JAKMIP2: variants seen among roughly 807,000 people sequenced by gnomAD.
JAKMIP2 encodes janus kinase and microtubule interacting protein 2, also known as janus kinase and microtubule-interacting protein 2.
In JAKMIP2, 25 loss-of-function variants were observed where a neutral mutation model predicts 115.0. The ratio of observed to expected loss-of-function variants is 0.22; its 90% CI spans 0.16 to 0.30. The LOEUF (loss-of-function observed/expected upper bound fraction) is 0.30. JAKMIP2 is among the 10% of genes least tolerant of loss of function. The pLI is 1.00. For synonymous variants in JAKMIP2, 334 were observed against 343.6 expected, an observed-to-expected ratio of 0.97 and a Z score of 0.31; for missense variants, 642 against 957.6, an observed-to-expected ratio of 0.67 and a Z score of 4.35.
chr5:147,775,304 T>G (rs1755516245), intron 1 of JAKMIP2, among the ~76,000 whole-genome samples: 4 of 152,232 alleles, frequency 2.6e-5, no homozygotes, highest in Admixed American at 2.6e-4. Flanking sequence ...AACTTAATTT[T>G]TGAATGGAGA....
intron 1 of JAKMIP2, among the ~76,000 whole-genome samples, chr5:147,754,995 T>C (rs975804494): frequency 2.6e-5 from 4 of 152,148 alleles, no homozygotes; most frequent in African/African-American, 9.7e-5. Context: ...TATTTCAGTG[T>C]AAGGCTTGCA....
intron 1 of JAKMIP2, among the ~76,000 whole-genome samples, chr5:147,776,583 G>T (rs1225624895): frequency 6.6e-6 from 1 of 152,154 alleles, no homozygotes; most frequent in East Asian, 1.9e-4. Flanking sequence ...ATTCTGAGAA[G>T]TCGTTTAAAT....
intron 1 of JAKMIP2, among the ~76,000 whole-genome samples, chr5:147,742,822 G>T (rs967212631): frequency 6.6e-6 from 1 of 151,566 alleles, no homozygotes; most frequent in Admixed American, 6.6e-5. Context: ...ACACTATTTC[G>T]GTGTTAGAAT....
At chr5:147,768,002 T>C (rs1012801054) in intron 1 of JAKMIP2, among the ~76,000 whole-genome samples, 1 of 152,160 alleles carries the variant, frequency 6.6e-6, no homozygotes, top group Non-Finnish European at 1.5e-5. Flanking sequence ...TGGCCATTCA[T>C]GGCTTGATTC....
chr5:147,734,348 C>G (rs1021314821), intron 1 of JAKMIP2, among the ~76,000 whole-genome samples: 2 of 151,976 alleles, frequency 1.3e-5, no homozygotes, highest in African/African-American at 4.8e-5. Context: ...TCATGTCCTT[C>G]CCAGGGACAT....
intron 1 of JAKMIP2, among the ~76,000 whole-genome samples, chr5:147,696,983 A>G (rs1752130129): frequency 6.6e-6 from 1 of 152,176 alleles, no homozygotes; most frequent in African/African-American, 2.4e-5. Flanking sequence ...AGCAGAGCAT[A>G]AAAGTTTGGA....
At chr5:147,764,966 G>GAAA (rs1561582709) in intron 1 of JAKMIP2, among the ~76,000 whole-genome samples, 1 of 40,906 alleles carries the variant, frequency 2.4e-5, no homozygotes, top group African/African-American at 1.4e-4. Context: ...GAGAGAGAGA[G>GAAA]GGGGAGAGAG....
intron 1 of JAKMIP2, among the ~76,000 whole-genome samples, chr5:147,719,547 A>G (rs1445235471): frequency 2.6e-5 from 4 of 152,074 alleles, no homozygotes; most frequent in African/African-American, 9.7e-5. Flanking sequence ...TTGGGTGCAT[A>G]TATATTCAGG....
At chr5:147,634,595 T>TA (rs1757521790) in intron 12 of JAKMIP2, among the ~76,000 whole-genome samples, 2 of 152,168 alleles carry the variant, frequency 1.3e-5, no homozygotes, top group Admixed American at 1.3e-4. Context: ...ATTAGATCAG[T>TA]GGTTCACAGA....
intron 1 of JAKMIP2, among the ~76,000 whole-genome samples, chr5:147,697,719 G>A (rs995064475): frequency 6.6e-6 from 1 of 152,200 alleles, no homozygotes; most frequent in Admixed American, 6.5e-5. Flanking sequence ...ACATAATGAT[G>A]AGCCTGCTGG....
intron 1 of JAKMIP2, among the ~76,000 whole-genome samples, chr5:147,780,854 C>G (rs180895272): frequency 1.6e-4 from 25 of 152,266 alleles, no homozygotes; most frequent in African/African-American, 6.0e-4. Flanking sequence ...AATGTCTGTA[C>G]TGACAATGAT....
At chr5:147,713,778 T>A (rs191424956) in intron 1 of JAKMIP2, among the ~76,000 whole-genome samples, 1 of 152,078 alleles carries the variant, frequency 6.6e-6, no homozygotes, top group Non-Finnish European at 1.5e-5. Context: ...GGCAGACTAA[T>A]GGGGGCTAGA....
chr5:147,644,262 A>C (rs1758020098), intron 6 of JAKMIP2, 64 bp from the exon 7 acceptor site: 2 of 1,423,272 alleles, frequency 1.4e-6, no homozygotes, highest in Non-Finnish European at 1.9e-6. Context: ...GGTTGTTAAC[A>C]TAAAATATCT....
At chr5:147,752,208 A>G (rs1754583942) in intron 1 of JAKMIP2, among the ~76,000 whole-genome samples, 1 of 152,142 alleles carries the variant, frequency 6.6e-6, no homozygotes, top group Admixed American at 6.5e-5. Flanking sequence ...ATTAGTACAG[A>G]GGCCCTGTCA....
At chr5:147,603,462 G>C (rs967787980) in intron 20 of JAKMIP2, among the ~76,000 whole-genome samples, 5 of 152,090 alleles carry the variant, frequency 3.3e-5, no homozygotes, top group African/African-American at 4.8e-5. Flanking sequence ...AATAAAGAGG[G>C]GATATTACAT....
At chr5:147,743,649 G>C (rs1754233042) in intron 1 of JAKMIP2, among the ~76,000 whole-genome samples, 1 of 152,182 alleles carries the variant, frequency 6.6e-6, no homozygotes, top group African/African-American at 2.4e-5. Context: ...ATGCTCCACA[G>C]TAGTGAATAT....
chr5:147,639,661 C>A lies in JAKMIP2; in HGVS notation c.1501G>T (p.Gly501Cys). The stretch of plus-strand genomic sequence containing the variant: ...GCTTCTCGTTCAGCGTCGATGATGC[C>A]TCCCGTCTGCTCCTGTAGGAGGGCA... ...AYALLQEQTG[G>C]IIDAEREAKA... Residue 501 changes from glycine to cysteine, a missense_variant, in exon 10 of 22, where the codon GGC (glycine) becomes TGC (cysteine). Physicochemically the swap from Gly to Cys is radical, Grantham distance 159. Transcript: ENST00000616793. 1 of 1,613,686 alleles carries A rather than the reference C, an allele frequency of 6.2e-7. No individual in the cohort carries two copies. The highest frequency in any genetic ancestry group is 8.5e-7 in the Non-Finnish European group (1 of 1,179,828).
intron 21 of JAKMIP2, chr5:147,594,498 C>A: frequency 2.3e-6 from 1 of 443,324 alleles, no homozygotes; most frequent in Middle Eastern, 4.3e-4. Flanking sequence ...CCATACCCAG[C>A]TAGTTTTTGT....
intron 18 of JAKMIP2, among the ~76,000 whole-genome samples, chr5:147,618,991 T>C (rs1394973159): frequency 6.6e-6 from 1 of 152,188 alleles, no homozygotes; most frequent in Non-Finnish European, 1.5e-5. Flanking sequence ...ATTGGTCTGT[T>C]TTTAAGTTCT....
Sources: gnomAD v4.1 joint callset for allele counts (sites outside exome capture counted in the v4.1 genomes callset) on GRCh38, gnomAD v4.1.1 for gene constraint, MANE v1.5 for transcripts, NCBI Gene and HGNC (gene_info 2026-07-23, HGNC 2026-07-21) for gene names.